The following DPYD variants were observed in gnomAD, a reference collection of about 807,000 sequenced individuals.
The protein encoded by DPYD is dihydropyrimidine dehydrogenase, also known as dihydropyrimidine dehydrogenase [NADP(+)].
In DPYD, 109 loss-of-function variants were observed where a neutral mutation model predicts 116.2. That is an observed-to-expected ratio of 0.94 (90% CI 0.80 to 1.10). The LOEUF (loss-of-function observed/expected upper bound fraction) is 1.10. Ranked by LOEUF, DPYD falls within the 50% of genes least tolerant of loss-of-function variation. DPYD has a pLI of 0.00. For synonymous variants in DPYD, 440 were observed against 432.0 expected, an observed-to-expected ratio of 1.02 and a Z score of -0.23; for missense variants, 1,302 against 1,254.5, an observed-to-expected ratio of 1.04 and a Z score of -0.57.
chr1:97,379,345 T>C (rs910201230), intron 15 of DPYD, among the ~76,000 whole-genome samples: 2 of 152,150 alleles, frequency 1.3e-5, no homozygotes, highest in African/African-American at 4.8e-5. Flanking sequence ...GAATTTGGAT[T>C]GGTTGAGAGC....
At chr1:97,092,396 A>G (rs559268314) in intron 21 of DPYD, among the ~76,000 whole-genome samples, 1 of 152,330 alleles carries the variant, frequency 6.6e-6, no homozygotes, top group African/African-American at 2.4e-5. Context: ...GAAACAATAC[A>G]AAGTATTGGT....
intron 6 of DPYD, among the ~76,000 whole-genome samples, chr1:97,697,351 A>G (rs2100966890): frequency 6.6e-6 from 1 of 152,186 alleles, no homozygotes; most frequent in Admixed American, 6.5e-5. Context: ...ACTTGACATT[A>G]CCTCTTTAAG....
intron 8 of DPYD, among the ~76,000 whole-genome samples, chr1:97,630,599 T>C (rs924581139): frequency 1.3e-5 from 2 of 152,158 alleles, no homozygotes; most frequent in Non-Finnish European, 2.9e-5. Flanking sequence ...TGTTGGCTTA[T>C]TTCTCAGCTG....
At chr1:97,114,624 G>C (rs568490988) in intron 20 of DPYD, among the ~76,000 whole-genome samples, 1 of 152,154 alleles carries the variant, frequency 6.6e-6, no homozygotes, top group East Asian at 1.9e-4. Context: ...TATTTTTCTA[G>C]GGCAGAATGA....
intron 13 of DPYD, among the ~76,000 whole-genome samples, chr1:97,514,991 G>C (rs1237997515): frequency 6.6e-6 from 1 of 151,772 alleles, no homozygotes; most frequent in African/African-American, 2.4e-5. Flanking sequence ...CTAACTACCA[G>C]TTAGTATTAA....
At chr1:97,698,915 T>G (rs1661446495) in intron 6 of DPYD, among the ~76,000 whole-genome samples, 1 of 152,066 alleles carries the variant, frequency 6.6e-6, no homozygotes, top group South Asian at 2.1e-4. Flanking sequence ...AAGTAAGACT[T>G]AAGAAATTTT....
intron 14 of DPYD, among the ~76,000 whole-genome samples, chr1:97,421,744 C>T (rs1345864247): frequency 4.6e-5 from 7 of 152,098 alleles, no homozygotes; most frequent in Non-Finnish European, 8.8e-5. Flanking sequence ...GGAAACACAC[C>T]ATTCAAAGAG....
intron 2 of DPYD, among the ~76,000 whole-genome samples, chr1:97,875,387 G>C (rs1380983993): frequency 6.6e-6 from 1 of 151,832 alleles, no homozygotes. Context: ...ACACATAGAT[G>C]GGCATTAAAA....
chr1:97,112,693 T>C (rs1651685956), intron 20 of DPYD, among the ~76,000 whole-genome samples: 1 of 152,144 alleles, frequency 6.6e-6, no homozygotes, highest in Non-Finnish European at 1.5e-5. Context: ...ATTATCATAT[T>C]CATGACACTG....
intron 2 of DPYD, among the ~76,000 whole-genome samples, chr1:97,863,095 T>C (rs1220104854): frequency 6.6e-6 from 1 of 151,884 alleles, no homozygotes; most frequent in African/African-American, 2.4e-5. Context: ...GAAATGATAA[T>C]AGTGAAATAT....
At chr1:97,111,362 CT>C (rs1651583075) in intron 20 of DPYD, among the ~76,000 whole-genome samples, 1 of 152,080 alleles carries the variant, frequency 6.6e-6, no homozygotes, top group Admixed American at 6.6e-5. Context: ...TATCTGGCCC[CT>C]GCCCACCTCT....
chr1:97,386,783 A>G (rs1315332191), intron 14 of DPYD, among the ~76,000 whole-genome samples: 2 of 152,168 alleles, frequency 1.3e-5, no homozygotes, highest in Non-Finnish European at 2.9e-5. Flanking sequence ...AGAAATAAAG[A>G]TGACCAAAAA....
intron 19 of DPYD, among the ~76,000 whole-genome samples, chr1:97,195,686 A>G (rs1370337844): frequency 2.1e-5 from 2 of 95,578 alleles, no homozygotes; most frequent in Non-Finnish European, 4.2e-5. Flanking sequence ...ATATATATAT[A>G]TATGCCTAGG....
chr1:97,230,003 A>C (rs1661478436), intron 19 of DPYD, among the ~76,000 whole-genome samples: 1 of 152,170 alleles, frequency 6.6e-6, no homozygotes. Flanking sequence ...TAACAAACTC[A>C]TTCAACCAAA....
At chr1:97,355,469 T>G (rs1370036544) in intron 16 of DPYD, among the ~76,000 whole-genome samples, 1 of 152,192 alleles carries the variant, frequency 6.6e-6, no homozygotes, top group African/African-American at 2.4e-5. Context: ...ATATTCACCA[T>G]GTTTTACAAT....
At chr1:97,116,465 G>A (rs1651973116) in intron 20 of DPYD, among the ~76,000 whole-genome samples, 1 of 152,114 alleles carries the variant, frequency 6.6e-6, no homozygotes, top group Non-Finnish European at 1.5e-5. Flanking sequence ...TTGAGCCCAG[G>A]AGTTGAAAAC....
At chr1:97,622,369 T>C in intron 8 of DPYD, among the ~76,000 whole-genome samples, 1 of 151,930 alleles carries the variant, frequency 6.6e-6, no homozygotes, top group East Asian at 1.9e-4. Context: ...CATATAAATG[T>C]CATTTGAGGA....
chr1:97,889,614 TACAA>T (rs1451628785), intron 1 of DPYD, among the ~76,000 whole-genome samples: 7 of 151,878 alleles, frequency 4.6e-5, no homozygotes, highest in African/African-American at 1.7e-4. Flanking sequence ...AGGCCCAAAA[TACAA>T]ACAAATTTGA....
At chr1:97,591,871 A>G (rs1654543752) in intron 10 of DPYD, among the ~76,000 whole-genome samples, 1 of 152,024 alleles carries the variant, frequency 6.6e-6, no homozygotes, top group East Asian at 1.9e-4. Flanking sequence ...TACACTAATT[A>G]TTGCCTAAGA....
Sources: allele counts gnomAD v4.1 joint callset (sites outside exome capture counted in the v4.1 genomes callset), GRCh38; gene constraint gnomAD v4.1.1; transcripts MANE v1.5; gene names NCBI Gene and HGNC (gene_info 2026-07-23, HGNC 2026-07-21).